CRACD: variants seen among roughly 807,000 people sequenced by gnomAD.
CRACD encodes the protein capping protein-inhibiting regulator of actin dynamics.
A neutral mutation model predicts 106.8 loss-of-function variants in CRACD; 56 were observed. The observed-to-expected ratio is 0.52, with a 90% CI of 0.42 to 0.66. The LOEUF (loss-of-function observed/expected upper bound fraction) is 0.66. Ranked by LOEUF, CRACD falls within the 30% of genes least tolerant of loss-of-function variation. CRACD has a pLI of 0.00. For missense variants in CRACD, 1,730 were observed against 1,623.2 expected, an observed-to-expected ratio of 1.07 and a Z score of -1.13; for synonymous variants, 754 against 670.8, an observed-to-expected ratio of 1.12 and a Z score of -1.92.
At chr4:56,117,747 T>C (rs559080358) in intron 1 of CRACD, among the ~76,000 whole-genome samples, 1 of 152,152 alleles carries the variant, frequency 6.6e-6, no homozygotes, top group Non-Finnish European at 1.5e-5. Flanking sequence ...AAAAGTCAAA[T>C]ATTTTATGAA....
intron 1 of CRACD, among the ~76,000 whole-genome samples, chr4:56,083,351 C>T (rs1305697853): frequency 6.6e-6 from 1 of 152,204 alleles, no homozygotes; most frequent in African/African-American, 2.4e-5. Context: ...TGCACAATTA[C>T]TCACTTTTGT....
chr4:56,200,318 A>G (rs570903424), intron 2 of CRACD, among the ~76,000 whole-genome samples: 2 of 152,316 alleles, frequency 1.3e-5, no homozygotes, highest in African/African-American at 4.8e-5. Flanking sequence ...ATCTTCACTA[A>G]TCATCAGTTG....
rs138379206 is a variant in CRACD, at chr4:56,119,432, G to A, written c.-335-59852G>A. Among the ~76,000 whole-genome samples the A allele has an allele frequency of 7.2e-4, 110 of 151,942 alleles. No individual in the cohort carries two copies. The East Asian group carries it at 0.01, about 14-fold the overall frequency. Reference sequence around the variant, plus strand: ...TGTAGCCTCCACCTACTGGGCTCAAGCGATCCTCCCACCTCAGACTCCCAA... The same window carrying A: ...TGTAGCCTCCACCTACTGGGCTCAAACGATCCTCCCACCTCAGACTCCCAA... On this transcript the variant is annotated intron_variant, in intron 1 of 10. Transcript: ENST00000682029.
intron 2 of CRACD, among the ~76,000 whole-genome samples, chr4:56,244,566 A>T (rs1421626341): frequency 6.6e-6 from 1 of 152,198 alleles, no homozygotes; most frequent in East Asian, 1.9e-4. Context: ...GGGTGGCTGT[A>T]TCAGTTGGTA....
In CRACD at chr4:56,316,573, G is replaced by A. The variant is rs753999212; in HGVS notation, c.3071G>A (p.Arg1024Lys). 14 of 1,613,386 alleles carry A rather than the reference G, an allele frequency of 8.7e-6. No individual in the cohort carries two copies. Among genetic ancestry groups the A allele is most frequent in the Non-Finnish European group, 1.2e-5 (14 of 1,179,760 alleles). Residue 1024 changes from arginine to lysine, a missense_variant, in exon 8 of 11, where the codon AGG (arginine) becomes AAG (lysine). By Grantham distance (26) the Arg-to-Lys change is conservative. Transcript: ENST00000682029. ...CCCTCGCCCCCAGGCCCCGAGGAAA[G>A]GAAGGGACAGAAGAGGGACGAGGAG... is the stretch of plus-strand genomic sequence containing the variant. ...RPPSPPGPEE[R>K]KGQKRDEEEE...
At chr4:56,286,793 A>G (rs1334209168) in intron 3 of CRACD, among the ~76,000 whole-genome samples, 1 of 152,124 alleles carries the variant, frequency 6.6e-6, no homozygotes, top group Non-Finnish European at 1.5e-5. Flanking sequence ...CAGGGTGATG[A>G]GCATCATGCC....
At chr4:56,299,800 C>G (rs1263589182) in intron 4 of CRACD, among the ~76,000 whole-genome samples, 1 of 149,984 alleles carries the variant, frequency 6.7e-6, no homozygotes, top group East Asian at 2.0e-4. Context: ...TTCCACCTGT[C>G]TGTAAGTCTA....
intron 3 of CRACD, among the ~76,000 whole-genome samples, chr4:56,284,869 G>A (rs148732746): frequency 1.8e-3 from 281 of 152,214 alleles, no homozygotes; most frequent in African/African-American, 5.8e-3. Flanking sequence ...GATTCCTGAG[G>A]GACAAAAGGG....
chr4:56,256,288 T>C (rs759608136), intron 2 of CRACD, among the ~76,000 whole-genome samples: 1 of 152,222 alleles, frequency 6.6e-6, no homozygotes. Context: ...GGAGTTTCCC[T>C]GCACAAGCTC....
At chr4:56,171,183 G>T (rs770126531) in intron 1 of CRACD, among the ~76,000 whole-genome samples, 1 of 152,022 alleles carries the variant, frequency 6.6e-6, no homozygotes, top group African/African-American at 2.4e-5. Flanking sequence ...GTTAATGGGT[G>T]TAGCACACCA....
intron 8 of CRACD, among the ~76,000 whole-genome samples, chr4:56,317,341 G>A (rs537711113): frequency 6.6e-6 from 1 of 152,334 alleles, no homozygotes; most frequent in African/African-American, 2.4e-5. Context: ...ACACTCACTC[G>A]TGATTCATAG....
At chr4:56,063,749 G>A (rs893214971) in intron 1 of CRACD, among the ~76,000 whole-genome samples, 1 of 152,098 alleles carries the variant, frequency 6.6e-6, no homozygotes, top group African/African-American at 2.4e-5. Flanking sequence ...GAAATTTTCT[G>A]TTGATGGATA....
In CRACD at chr4:56,234,938, A is replaced by G. The variant is rs544095777; in HGVS notation, c.-188-37383A>G. ...GGGAACTGATTTTCTGCTAAGCACA[A>G]ACAGGAATTTAAGCAAGATACACCT... On this transcript the variant is annotated intron_variant, in intron 2 of 10. Coordinates refer to ENST00000682029, the MANE Select transcript of CRACD (RefSeq NM_001393381.1). 2.6e-5 allele frequency among the ~76,000 whole-genome samples: 4 copies of G among 152,328 alleles called. No homozygotes were observed. The South Asian group carries it at 8.3e-4, about 32-fold the overall frequency.
intron 5 of CRACD, 87 bp downstream of exon 5, chr4:56,307,786 G>T (rs1744835538): frequency 1.5e-6 from 2 of 1,343,356 alleles, no homozygotes; most frequent in South Asian, 1.3e-5. Flanking sequence ...TGCAGCAGGG[G>T]AATTAGAGGG....
rs533003139 is a variant in CRACD at position 56,198,198 on chromosome 4, C to T, written c.-189+18768C>T. Among the ~76,000 whole-genome samples the T allele has an allele frequency of 4.6e-5, 7 of 152,194 alleles. No homozygotes were observed. The South Asian group carries it at 1.5e-3, about 32-fold the overall frequency. ...AGATTCCATTTTCAGAAATCAAAAA[C>T]GTACATATAAAATGGCGGTACATCC... On this transcript the variant is annotated intron_variant, in intron 2 of 10. Coordinates refer to ENST00000682029, the MANE Select transcript of CRACD (RefSeq NM_001393381.1).
At position 56,315,252 on chromosome 4, in the gene CRACD, G is replaced by T; in HGVS notation, c.1750G>T (p.Ala584Ser). ...CCCCAAAGCCAGCCCAGTCCAGCAC[G>T]CCCTACCGTCGTCCCTGAGCGTTCC... is the stretch of plus-strand genomic sequence containing the variant. ...KAPKASPVQHALPSSLSVPHT... is the reference protein window; with the variant it reads ...KAPKASPVQHSLPSSLSVPHT... Residue 584 changes from alanine (A) to serine (S), a missense_variant, in exon 8 of 11, where the codon GCC becomes TCC. Ala to Ser is a moderately conservative substitution (Grantham distance 99, BLOSUM62 1). Coordinates refer to ENST00000682029, the MANE Select transcript of CRACD (RefSeq NM_001393381.1). This position sits in a 1 kb window ranked among gnomAD's most constrained non-coding sequence, Gnocchi z 4.1. The T allele has an allele frequency of 6.2e-7, 1 of 1,605,808 alleles. No homozygotes were observed. The highest frequency in any genetic ancestry group is 1.3e-5 in the African/African-American group (1 of 74,966).
rs1577925717 is a variant in CRACD at position 56,328,187 on chromosome 4, A to G, written c.*383A>G. ...TGGTAATGGTTTTTTGATTCTATGC[A>G]CTAATTTTCTTTGTCCAAAACATTT... On this transcript the variant is annotated 3_prime_UTR_variant, in exon 11 of 11. Coordinates refer to ENST00000682029, the MANE Select transcript of CRACD (RefSeq NM_001393381.1). 1.5e-5 allele frequency: 6 copies of G among 412,686 alleles called. No individual in the cohort carries two copies. In the East Asian group the frequency reaches 3.5e-4, roughly 24 times the overall value. 25.6% of individuals were successfully genotyped at this position (412,686 alleles called of 1,614,324 possible). A position where few individuals can be genotyped will look rare whatever the true frequency, so the allele number is the denominator to read the frequency against.
intron 1 of CRACD, among the ~76,000 whole-genome samples, chr4:56,102,602 A>C (rs1733816532): frequency 6.6e-6 from 1 of 152,214 alleles, no homozygotes; most frequent in African/African-American, 2.4e-5. Context: ...AGAAGAGTTT[A>C]ACTAGAGAGT....
chr4:56,323,791 A>G (rs1746257956), intron 9 of CRACD, among the ~76,000 whole-genome samples: 1 of 152,236 alleles, frequency 6.6e-6, no homozygotes, highest in Admixed American at 6.5e-5. Context: ...ATAATCCACG[A>G]TACGCTTACA....
Sources: allele counts gnomAD v4.1 joint callset (sites outside exome capture counted in the v4.1 genomes callset), GRCh38; gene constraint gnomAD v4.1.1; non-coding constraint Gnocchi (gnomAD v3.1); transcripts MANE v1.5; gene names NCBI Gene and HGNC (gene_info 2026-07-23, HGNC 2026-07-21).